Variants in ENO4 observed in about 807,000 individuals in gnomAD.
ENO4 encodes the protein enolase 4.
In ENO4, 53 loss-of-function variants were observed where a neutral mutation model predicts 63.2. The ratio of observed to expected loss-of-function variants is 0.84; its 90% confidence interval spans 0.67 to 1.05. ENO4 has a LOEUF of 1.05. Among genes scored for constraint, ENO4 ranks in the 50% least tolerant of loss-of-function variants. The pLI is 0.00. For synonymous variants in ENO4, 266 were observed against 283.8 expected (o/e 0.94, Z 0.63); for missense variants, 719 against 772.0 (o/e 0.93, Z 0.81).
At chr10:116,897,385 T>C (rs1290776865) in intron 10 of ENO4, among the ~76,000 whole-genome samples, 1 of 152,202 alleles carries the variant, frequency 6.6e-6, no homozygotes, top group Non-Finnish European at 1.5e-5. Flanking sequence ...CTTTACCAAG[T>C]GAACACATTG....
chr10:116,901,676 C>A, intron 10 of ENO4: 1 of 1,364,916 alleles, frequency 7.3e-7, no homozygotes, highest in Non-Finnish European at 9.4e-7. Flanking sequence ...CAATCAAAAT[C>A]TCTCTAAAGG....
intron 9 of ENO4, among the ~76,000 whole-genome samples, chr10:116,872,334 T>C (rs1846719531): frequency 6.6e-6 from 1 of 152,212 alleles, no homozygotes; most frequent in Non-Finnish European, 1.5e-5. Context: ...CTGATATGGT[T>C]TGGCTGTGTC....
intron 6 of ENO4, among the ~76,000 whole-genome samples, chr10:116,862,438 G>T (rs1272445247): frequency 6.6e-6 from 1 of 151,752 alleles, no homozygotes; most frequent in East Asian, 1.9e-4. Flanking sequence ...GCCAGCCTGG[G>T]CAACAGAGTG....
At chr10:116,855,047 C>A (rs1589748563) in intron 1 of ENO4, among the ~76,000 whole-genome samples, 1 of 151,174 alleles carries the variant, frequency 6.6e-6, no homozygotes, top group Non-Finnish European at 1.5e-5. Context: ...GTAATCCCAG[C>A]ACTTTGGGAG....
intron 10 of ENO4, among the ~76,000 whole-genome samples, chr10:116,889,110 G>T (rs1434377009): frequency 3.9e-5 from 6 of 152,224 alleles, no homozygotes; most frequent in Admixed American, 3.9e-4. Flanking sequence ...CACTTCTGTA[G>T]AACTACCATG....
In ENO4 at chr10:116,856,724, G is replaced by A. The variant is rs182056213; in HGVS notation, c.485+42G>A. On this transcript the variant is annotated intron_variant, in intron 3 of 13. Coordinates refer to ENST00000341276, the MANE Select transcript of ENO4 (RefSeq NM_001242699.2). ...GAAATATAAACATCAAGTACAAGCC[G>A]GGCACAGTGGCTCACGCCTGTAATC... The A allele has an allele frequency of 1.0e-4, 147 of 1,446,528 alleles. 1 individual carries two copies. In the East Asian group the frequency reaches 3.4e-3, roughly 34 times the overall value. 89.6% of individuals were successfully genotyped at this position (1,446,528 alleles called of 1,614,324 possible). A position where few individuals can be genotyped will look rare whatever the true frequency, so the allele number is the denominator to read the frequency against.
intron 10 of ENO4, among the ~76,000 whole-genome samples, chr10:116,874,673 C>T (rs1486547970): frequency 1.3e-5 from 2 of 151,958 alleles, no homozygotes; most frequent in African/African-American, 4.8e-5. Context: ...CGTAACAAAG[C>T]CATTTTTTCT....
intron 10 of ENO4, among the ~76,000 whole-genome samples, chr10:116,898,434 TTTAATC>T (rs1847599388): frequency 6.6e-6 from 1 of 152,112 alleles, no homozygotes; most frequent in Non-Finnish European, 1.5e-5. Flanking sequence ...CATTATCAGA[TTTAATC>T]TTAATCAACA....
downstream of ENO4, chr10:116,886,117 CTCA>C: frequency 3.5e-6 from 2 of 569,898 alleles, no homozygotes; most frequent in South Asian, 5.7e-5. Context: ...GGAAAAAAAC[CTCA>C]TCTTTATAAA....
chr10:116,900,564 AAATCTAT>A lies in ENO4; in HGVS notation c.1195-10933_1195-10927del, dbSNP rs1372677561. On this transcript the variant is annotated intron_variant, in intron 10 of 10. Coordinates refer to the ENO4 transcript ENST00000369207. ...ATCTGTGTAAAATGGTAAAGGAGAA[AAATCTAT>A]ACACACACACTGAAGCATTTATCAG... The A allele has an allele frequency of 6.5e-6, 10 of 1,534,814 alleles. No homozygotes were observed. The East Asian group carries it at 2.2e-4, about 34-fold the overall frequency.
At chr10:116,911,552 A>G (rs1300876143) in exon 11 of ENO4, 2 of 1,550,722 alleles carry the variant, frequency 1.3e-6, no homozygotes, top group Admixed American at 2.0e-5. Flanking sequence ...ACAGGAAACA[A>G]TGACTTTGGT....
chr10:116,883,037 T>C (rs906168648), downstream of ENO4: 4 of 151,904 alleles, frequency 2.6e-5, no homozygotes, highest in African/African-American at 9.7e-5. Context: ...ATATAAATTA[T>C]AATTAAATTA....
intron 7 of ENO4, among the ~76,000 whole-genome samples, chr10:116,866,524 C>T (rs1167300416): frequency 6.6e-6 from 1 of 152,168 alleles, no homozygotes. Flanking sequence ...ATCTGTACAA[C>T]TTTTAAATGC....
At chr10:116,880,316 T>G (rs1456192754) in intron 13 of ENO4, among the ~76,000 whole-genome samples, 1 of 152,204 alleles carries the variant, frequency 6.6e-6, no homozygotes, top group Admixed American at 6.5e-5. Flanking sequence ...CCCATGAAAG[T>G]TAAAGGCAGA....
At position 116,876,196 on chromosome 10, in the gene ENO4, G is replaced by T; in HGVS notation, c.1473G>T (p.Leu491=). 1.3e-6 allele frequency: 2 copies of T among 1,550,328 alleles called. No individual in the cohort carries two copies. The highest frequency in any genetic ancestry group is 8.7e-7 in the Non-Finnish European group (1 of 1,146,932). ...TCAGCATCCCCAAATCCAATGGGCT[G>T]ATCATAAAACACACAAACCAAACTA... The part of the protein sequence containing the change: ...GNISIPKSNG[L]IIKHTNQTTM... The change falls in exon 11 of 14, where the codon CTG becomes CTT. Residue 491 remains leucine (L), a synonymous_variant. Transcript: ENST00000341276.
intron 1 of ENO4, among the ~76,000 whole-genome samples, chr10:116,854,967 AAGAAAG>A (rs1846216934): frequency 1.4e-5 from 2 of 147,538 alleles, no homozygotes; most frequent in Non-Finnish European, 3.0e-5. Context: ...AAAAAAAAAA[AAGAAAG>A]AAAGAAAAAG....
At chr10:116,873,978 T>C in intron 9 of ENO4, 98 bp from the exon 10 acceptor site, 1 of 1,397,328 alleles carries the variant, frequency 7.2e-7, no homozygotes, top group East Asian at 2.5e-5. Context: ...TTACAACCTC[T>C]TATATAAAAT....
intron 6 of ENO4, 46 bp downstream of exon 6, chr10:116,861,236 A>AT (rs1554900882): frequency 0.015 from 2,436 of 166,008 alleles, 14 homozygotes; most frequent in East Asian, 0.031. Context: ...AAAAAAAAAA[A>AT]ATATATATAT....
chr10:116,892,882 G>GA (rs1345521332), intron 10 of ENO4, among the ~76,000 whole-genome samples: 2 of 152,074 alleles, frequency 1.3e-5, no homozygotes, highest in Admixed American at 6.5e-5. Context: ...GTAGACTATT[G>GA]AAAAATGGCT....
Sources: allele counts gnomAD v4.1 joint callset (sites outside exome capture counted in the v4.1 genomes callset), GRCh38; gene constraint gnomAD v4.1.1; transcripts MANE v1.5; gene names NCBI Gene and HGNC (gene_info 2026-07-23, HGNC 2026-07-21).